The following MGMT variants were observed in gnomAD, a reference collection of about 807,000 sequenced individuals.
MGMT encodes the protein O-6-methylguanine-DNA methyltransferase.
Under a neutral mutation model 15.9 loss-of-function variants are expected in MGMT, and 14 were observed. The observed-to-expected ratio is 0.88, with a 90% CI of 0.58 to 1.37. The LOEUF (loss-of-function observed/expected upper bound fraction) is 1.37. Among genes scored for constraint, MGMT ranks in the 40% most tolerant of loss-of-function variants. The probability of loss-of-function intolerance (pLI) is 0.00; values close to 1 mark genes in which losing one functional copy is unlikely to be tolerated. For synonymous variants in MGMT, 130 were observed against 118.2 expected (o/e 1.10, Z -0.65); for missense variants, 282 against 268.1 (o/e 1.05, Z -0.36).
Position 129,647,884 on chromosome 10 carries a change from A to G in MGMT, c.126-60011A>G, listed in dbSNP as rs76468900. Among the ~76,000 whole-genome samples the G allele has an allele frequency of 5.0e-3, 759 of 152,352 alleles. 10 individuals are homozygous for G. The highest frequency in any genetic ancestry group is 0.018 in the African/African-American group (738 of 41,580). ...GAAAATGACAAAAATGTTCTTTTAC[A>G]TAAAGCCTGCGAGTCTGTGAAGGAA... On this transcript the variant is annotated intron_variant, in intron 2 of 4. Coordinates refer to ENST00000651593, the MANE Select transcript of MGMT (RefSeq NM_002412.5).
chr10:129,678,933 C>G (rs1847816582), intron 2 of MGMT, among the ~76,000 whole-genome samples: 1 of 151,952 alleles, frequency 6.6e-6, no homozygotes, highest in East Asian at 1.9e-4. Flanking sequence ...ACTCGCCGAG[C>G]GTGGTGGTGC....
intron 3 of MGMT, among the ~76,000 whole-genome samples, chr10:129,733,406 G>T (rs1272323837): frequency 2.6e-5 from 4 of 151,826 alleles, no homozygotes; most frequent in African/African-American, 9.7e-5. Context: ...TGATGGGGTT[G>T]TTTGTTTTTT....
chr10:129,755,772 G>C (rs551179513), intron 3 of MGMT, among the ~76,000 whole-genome samples: 2 of 152,238 alleles, frequency 1.3e-5, no homozygotes, highest in Non-Finnish European at 2.9e-5. Context: ...TGCAGTGGAC[G>C]CACAGGTGTG....
Position 129,580,177 on chromosome 10 carries a change from A to G in MGMT, c.125+43800A>G, listed in dbSNP as rs540222805. 2.6e-4 allele frequency among the ~76,000 whole-genome samples: 40 copies of G among 152,102 alleles called. 1 individual carries two copies. Among genetic ancestry groups the G allele is most frequent in the Non-Finnish European group, 5.1e-4 (35 of 68,012 alleles). On this transcript the variant is annotated intron_variant, in intron 2 of 4. Coordinates refer to ENST00000651593, the MANE Select transcript of MGMT (RefSeq NM_002412.5). ...CAGCAGGGAGGAGTATTCCCCATTA[A>G]CGGGCAGGTGGCATCGTGGGAGAAG... is the stretch of plus-strand genomic sequence containing the variant.
At chr10:129,575,750 AT>A (rs1846474080) in intron 2 of MGMT, among the ~76,000 whole-genome samples, 2 of 150,446 alleles carry the variant, frequency 1.3e-5, no homozygotes, top group African/African-American at 4.9e-5. Flanking sequence ...CCAGGAGCTG[AT>A]TTTTTGAAAA....
intron 3 of MGMT, among the ~76,000 whole-genome samples, chr10:129,742,139 G>A (rs1023978777): frequency 6.6e-6 from 1 of 152,214 alleles, no homozygotes; most frequent in East Asian, 1.9e-4. Flanking sequence ...TGGCTCGAGC[G>A]CTGAGCTGCA....
At chr10:129,499,745 C>G (rs980635474) in intron 1 of MGMT, among the ~76,000 whole-genome samples, 3 of 152,188 alleles carry the variant, frequency 2.0e-5, no homozygotes, top group Non-Finnish European at 4.4e-5. Flanking sequence ...AGTCAGAAAT[C>G]TTATGAAGTG....
At chr10:129,598,866 C>A (rs1846784424) in intron 2 of MGMT, among the ~76,000 whole-genome samples, 2 of 152,298 alleles carry the variant, frequency 1.3e-5, no homozygotes, top group African/African-American at 4.8e-5. Context: ...TGAACACATG[C>A]CCTGAGCTGC....
intron 2 of MGMT, among the ~76,000 whole-genome samples, chr10:129,704,505 G>T (rs1182707827): frequency 6.6e-6 from 1 of 152,228 alleles, no homozygotes; most frequent in East Asian, 1.9e-4. Flanking sequence ...GCGGCAGTTT[G>T]GAGAAGACCG....
At chr10:129,472,476 TC>T (rs913955833) in intron 1 of MGMT, among the ~76,000 whole-genome samples, 4 of 151,928 alleles carry the variant, frequency 2.6e-5, no homozygotes, top group Admixed American at 2.6e-4. Context: ...GCCCTCGTTT[TC>T]CCCCCAGTCC....
rs1280984318 is a variant in MGMT at position 129,695,806 on chromosome 10, C to T, written c.126-12089C>T. 1.1e-4 allele frequency among the ~76,000 whole-genome samples: 17 copies of T among 152,142 alleles called. 1 individual carries two copies. The highest frequency in any genetic ancestry group is 9.8e-4 in the Admixed American group (15 of 15,252). On this transcript the variant is annotated intron_variant, in intron 2 of 4. Transcript: ENST00000651593. ...TCGTGCAGGCGAGGAGCTCAGAGGG[C>T]GGGCGTGGCTTCCCAAGCTCTGGCA...
intron 3 of MGMT, among the ~76,000 whole-genome samples, chr10:129,723,005 CAAAAAAAAAAAA>C (rs3039560): frequency 3.3e-5 from 2 of 60,254 alleles, no homozygotes; most frequent in African/African-American, 6.7e-5. Flanking sequence ...GACTCTATCA[CAAAAAAAAAAAA>C]AAAAAAAAAA....
intron 3 of MGMT, among the ~76,000 whole-genome samples, chr10:129,727,694 CA>C (rs1159367910): frequency 6.6e-6 from 1 of 152,136 alleles, no homozygotes; most frequent in Non-Finnish European, 1.5e-5. Context: ...CTCTTGTGTA[CA>C]AATGCTGTAG....
At chr10:129,512,785 C>G (rs917316472) in intron 1 of MGMT, among the ~76,000 whole-genome samples, 5 of 152,048 alleles carry the variant, frequency 3.3e-5, no homozygotes, top group African/African-American at 4.8e-5. Flanking sequence ...AAATTGGAAC[C>G]CTGTGTGTTG....
At chr10:129,727,783 G>A (rs1057422127) in intron 3 of MGMT, among the ~76,000 whole-genome samples, 4 of 152,200 alleles carry the variant, frequency 2.6e-5, no homozygotes, top group Non-Finnish European at 4.4e-5. Context: ...GAGGAGCCCC[G>A]GGTAAGCCAG....
rs143567642 is a variant in MGMT at position 129,718,088 on chromosome 10, G to A, written c.274+10045G>A. On this transcript the variant is annotated intron_variant, in intron 3 of 4. Transcript: ENST00000651593. Reference sequence around the variant, plus strand: ...GCTGACCACAGCACGACCCCAACGTGGGGACACTTGACTTTGGTTTGGCCT... The same window carrying A: ...GCTGACCACAGCACGACCCCAACGTAGGGACACTTGACTTTGGTTTGGCCT... Among the ~76,000 whole-genome samples, 284 of 152,286 alleles carry A rather than the reference G, an allele frequency of 1.9e-3. 1 individual carries two copies. Among genetic ancestry groups the A allele is most frequent in the African/African-American group, 6.5e-3 (269 of 41,556 alleles).
chr10:129,640,455 A>T (rs900072668), intron 2 of MGMT, among the ~76,000 whole-genome samples: 3 of 152,240 alleles, frequency 2.0e-5, no homozygotes, highest in Non-Finnish European at 4.4e-5. Flanking sequence ...ATAGTCTTAA[A>T]TCTATCATAA....
chr10:129,737,196 C>T (rs1406896952), intron 3 of MGMT, among the ~76,000 whole-genome samples: 4 of 152,280 alleles, frequency 2.6e-5, no homozygotes, highest in Non-Finnish European at 5.9e-5. Flanking sequence ...TCAGGTACAC[C>T]AATCAGACAT....
chr10:129,655,490 A>G (rs1003521409), intron 2 of MGMT, among the ~76,000 whole-genome samples: 2 of 151,854 alleles, frequency 1.3e-5, no homozygotes, highest in African/African-American at 2.4e-5. Flanking sequence ...GAGCAGGAAA[A>G]TCTTCCCCGT....
Sources: allele counts gnomAD v4.1 joint callset (sites outside exome capture counted in the v4.1 genomes callset), GRCh38; gene constraint gnomAD v4.1.1; transcripts MANE v1.5; gene names NCBI Gene and HGNC (gene_info 2026-07-23, HGNC 2026-07-21).